Variants in MSRA observed in about 807,000 individuals in gnomAD.
MSRA encodes mitochondrial peptide methionine sulfoxide reductase.
MSRA carries 54 observed loss-of-function variants against 31.3 expected under a neutral mutation model. That is an observed-to-expected ratio of 1.73 (90% CI 1.39 to 2.17). The LOEUF (loss-of-function observed/expected upper bound fraction) is 2.17, where lower values mean the gene tolerates loss of function less well. Among genes scored for constraint, MSRA ranks in the 30% most tolerant of loss-of-function variants. The pLI, the probability that MSRA is intolerant of heterozygous loss-of-function variation, is 0.00. For synonymous variants in MSRA, 169 were observed against 116.5 expected, an observed-to-expected ratio of 1.45 and a Z score of -2.90; for missense variants, 507 against 300.9, an observed-to-expected ratio of 1.69 and a Z score of -5.07.
rs563392458 is a variant in MSRA at position 10,165,770 on chromosome 8, GTCC to G, written c.143-42057_143-42055del. On this transcript the variant is annotated intron_variant, in intron 1 of 5. Coordinates refer to ENST00000317173, the MANE Select transcript of MSRA (RefSeq NM_012331.5). Reference sequence around the variant, plus strand: ...ATCTGCCAATTGGAGGCATTGCAGAGTCCTCCTCAGGATTGCAGCACGGGTGAA... The same window carrying G: ...ATCTGCCAATTGGAGGCATTGCAGAGTCCTCAGGATTGCAGCACGGGTGAA... Among the ~76,000 whole-genome samples, 242 of 152,310 alleles carry G rather than the reference GTCC, an allele frequency of 1.6e-3. 1 individual carries two copies. Among genetic ancestry groups the G allele is most frequent in the African/African-American group, 5.3e-3 (221 of 41,560 alleles).
At chr8:10,152,258 C>T (rs1446720648) in intron 1 of MSRA, among the ~76,000 whole-genome samples, 1 of 152,108 alleles carries the variant, frequency 6.6e-6, no homozygotes, top group East Asian at 1.9e-4. Context: ...TATATAAACA[C>T]ATGTATACGT....
At chr8:10,055,050 C>T (rs530378469) in intron 1 of MSRA, among the ~76,000 whole-genome samples, 3 of 152,358 alleles carry the variant, frequency 2.0e-5, no homozygotes, top group Non-Finnish European at 4.4e-5. Context: ...CTGCGCCGGC[C>T]GCCGGGACCC....
chr8:10,126,917 G>A (rs1473953465), intron 1 of MSRA, among the ~76,000 whole-genome samples: 1 of 152,176 alleles, frequency 6.6e-6, no homozygotes, highest in Non-Finnish European at 1.5e-5. Context: ...TGCTCTGTTA[G>A]GAGGCGGAGC....
At chr8:10,317,897 G>A (rs887670702) in intron 4 of MSRA, among the ~76,000 whole-genome samples, 5 of 152,030 alleles carry the variant, frequency 3.3e-5, no homozygotes, top group African/African-American at 9.7e-5. Flanking sequence ...ATCTTTCCAC[G>A]CATCTCTGGT....
chr8:10,235,446 AAAAT>A (rs1357560467), intron 2 of MSRA, among the ~76,000 whole-genome samples: 2 of 152,158 alleles, frequency 1.3e-5, no homozygotes, highest in African/African-American at 2.4e-5. Context: ...AGAACACTTG[AAAAT>A]AAATAAGCTA....
intron 1 of MSRA, among the ~76,000 whole-genome samples, chr8:10,124,492 CTT>C (rs991913500): frequency 6.6e-6 from 1 of 152,170 alleles, no homozygotes; most frequent in Non-Finnish European, 1.5e-5. Flanking sequence ...CCGTGTGACT[CTT>C]ATGGAAAATT....
intron 1 of MSRA, 23 bp downstream of exon 1, chr8:10,054,681 G>T (rs746367916): frequency 1.3e-5 from 20 of 1,490,576 alleles, no homozygotes; most frequent in Non-Finnish European, 1.8e-5. Flanking sequence ...CACACGGAAG[G>T]CGCGGGCGGC....
At chr8:10,304,382 A>G (rs1049772206) in intron 4 of MSRA, among the ~76,000 whole-genome samples, 2 of 152,264 alleles carry the variant, frequency 1.3e-5, no homozygotes, top group African/African-American at 4.8e-5. Flanking sequence ...ATAAATGCGC[A>G]TAAGACCACA....
At chr8:10,194,421 C>T (rs1233240114) in intron 1 of MSRA, among the ~76,000 whole-genome samples, 6 of 152,116 alleles carry the variant, frequency 3.9e-5, no homozygotes, top group Non-Finnish European at 8.8e-5. Flanking sequence ...CAAAAACTAG[C>T]CAGGTGTGGT....
At chr8:10,303,883 A>G (rs1280781705) in intron 4 of MSRA, among the ~76,000 whole-genome samples, 2 of 152,116 alleles carry the variant, frequency 1.3e-5, no homozygotes, top group African/African-American at 2.4e-5. Flanking sequence ...AATCCAAACA[A>G]TCTTATGCCC....
chr8:10,332,976 C>G (rs1161766571), intron 5 of MSRA, among the ~76,000 whole-genome samples: 1 of 152,202 alleles, frequency 6.6e-6, no homozygotes, highest in Non-Finnish European at 1.5e-5. Flanking sequence ...CGGTATCAGT[C>G]TTTTATTCAC....
chr8:10,090,179 C>A, intron 1 of MSRA, among the ~76,000 whole-genome samples: 1 of 152,124 alleles, frequency 6.6e-6, no homozygotes, highest in South Asian at 2.1e-4. Context: ...ATTTTGAATT[C>A]CCTAGGGCCT....
intron 5 of MSRA, among the ~76,000 whole-genome samples, chr8:10,376,300 C>T (rs1420359159): frequency 2.6e-5 from 4 of 152,180 alleles, no homozygotes; most frequent in Non-Finnish European, 5.9e-5. Flanking sequence ...TACAATGCAG[C>T]CAGGAACAGC....
At chr8:10,315,099 C>T (rs546825541) in intron 4 of MSRA, among the ~76,000 whole-genome samples, 2 of 152,196 alleles carry the variant, frequency 1.3e-5, no homozygotes, top group South Asian at 4.2e-4. Context: ...TTTATAAAAC[C>T]ATCAGATCTC....
chr8:10,155,002 T>TATATATATA lies in MSRA; in HGVS notation c.143-52831_143-52830insATATATATA, dbSNP rs1554468813. ...AATAGTTTGATAATGTGTATATATTTTATATATATATAGGTTTTACCTTGC... is the reference window on the plus strand; with the variant it reads ...AATAGTTTGATAATGTGTATATATTTATATATATATATATATATATAGGTTTTACCTTGC... On this transcript the variant is annotated intron_variant, in intron 1 of 5. Coordinates refer to ENST00000317173, the MANE Select transcript of MSRA (RefSeq NM_012331.5). 5.6e-5 allele frequency among the ~76,000 whole-genome samples: 7 copies of TATATATATA among 123,976 alleles called. No homozygotes were observed. In the East Asian group the frequency reaches 1.1e-3, roughly 19 times the overall value. 81.3% of individuals were successfully genotyped at this position (123,976 alleles called of 152,430 possible). A position where few individuals can be genotyped will look rare whatever the true frequency, so the allele number is the denominator to read the frequency against.
At chr8:10,311,770 A>G (rs1801447435) in intron 4 of MSRA, among the ~76,000 whole-genome samples, 1 of 152,248 alleles carries the variant, frequency 6.6e-6, no homozygotes, top group African/African-American at 2.4e-5. Flanking sequence ...CAAAAAAACT[A>G]GCTGGGCATG....
intron 1 of MSRA, chr8:10,059,008 A>G (rs1216934866): frequency 6.6e-6 from 1 of 152,226 alleles, no homozygotes; most frequent in Non-Finnish European, 1.5e-5. Context: ...AGGTACAGCC[A>G]GTGTGATCAG....
At chr8:10,292,119 T>G (rs1436523861) in intron 3 of MSRA, among the ~76,000 whole-genome samples, 1 of 152,130 alleles carries the variant, frequency 6.6e-6, no homozygotes, top group Non-Finnish European at 1.5e-5. Flanking sequence ...CACATCCACT[T>G]TAGGATTTGT....
intron 5 of MSRA, among the ~76,000 whole-genome samples, chr8:10,344,127 C>A (rs779320252): frequency 6.6e-6 from 1 of 152,172 alleles, no homozygotes; most frequent in Admixed American, 6.5e-5. Flanking sequence ...CATGTATCAC[C>A]CAAAAGATAC....
Sources: gnomAD v4.1 joint callset for allele counts (sites outside exome capture counted in the v4.1 genomes callset) on GRCh38, gnomAD v4.1.1 for gene constraint, MANE v1.5 for transcripts, NCBI Gene and HGNC (gene_info 2026-07-23, HGNC 2026-07-21) for gene names.